The following PTPRG variants were observed in gnomAD, a reference collection of about 807,000 sequenced individuals.
PTPRG encodes protein tyrosine phosphatase receptor type G, also known as receptor-type tyrosine-protein phosphatase gamma.
In PTPRG, 102 loss-of-function variants were observed where a neutral mutation model predicts 165.3. That is an observed-to-expected ratio of 0.62 (90% CI 0.53 to 0.73). The LOEUF is 0.73. Ranked by LOEUF, PTPRG falls within the 30% of genes least tolerant of loss-of-function variation. The pLI is 0.00. For synonymous variants in PTPRG, 675 were observed against 669.5 expected (o/e 1.01, Z -0.13); for missense variants, 1,866 against 1,861.4 (o/e 1.00, Z -0.05).
intron 1 of PTPRG, among the ~76,000 whole-genome samples, chr3:61,672,016 A>G (rs1261814526): frequency 0.1 from 3,138 of 31,418 alleles, 1 homozygote; most frequent in East Asian, 0.12. Context: ...GGCGGTTGCC[A>G]GGCAGAGGGT....
intron 8 of PTPRG, among the ~76,000 whole-genome samples, chr3:62,188,825 A>G (rs1192915716): frequency 6.6e-6 from 1 of 152,150 alleles, no homozygotes; most frequent in East Asian, 1.9e-4. Flanking sequence ...GAGAAAAGAT[A>G]GAGAAGTTAG....
At position 61,609,159 on chromosome 3, in the gene PTPRG, A is replaced by AC. The variant is rs1266526198; in HGVS notation, c.85+46788dup. Among the ~76,000 whole-genome samples the AC allele has an allele frequency of 2.6e-5, 4 of 152,292 alleles. No homozygotes were observed. The East Asian group carries it at 7.7e-4, about 29-fold the overall frequency. On this transcript the variant is annotated intron_variant, in intron 1 of 29. Transcript: ENST00000474889. Reference sequence around the variant, plus strand: ...TCATCAAGGTATAGGAAGTTATTGGACTTCCCTTAGGCCGTGTCCCCTTAT... The same window carrying AC: ...TCATCAAGGTATAGGAAGTTATTGGACCTTCCCTTAGGCCGTGTCCCCTTAT...
intron 3 of PTPRG, among the ~76,000 whole-genome samples, chr3:61,995,614 A>G (rs907422798): frequency 6.6e-6 from 1 of 151,068 alleles, no homozygotes; most frequent in Non-Finnish European, 1.5e-5. Flanking sequence ...GGGGGTGTGT[A>G]GGTATTGTGT....
At position 61,956,580 on chromosome 3, in the gene PTPRG, A is replaced by G. The variant is rs79317549; in HGVS notation, c.191-33045A>G. ...AAAAACCAGCTCAAGAATTAATTCA[A>G]TTAGATATGCCAGTCACCATATCTG... On this transcript the variant is annotated intron_variant, in intron 2 of 29. Transcript: ENST00000474889. Among the ~76,000 whole-genome samples, 3 of 152,352 alleles carry G rather than the reference A, an allele frequency of 2.0e-5. No individual in the cohort carries two copies. In the East Asian group the frequency reaches 5.8e-4, roughly 29 times the overall value.
At chr3:62,111,972 T>A (rs184467211) in intron 5 of PTPRG, among the ~76,000 whole-genome samples, 104 of 152,312 alleles carry the variant, frequency 6.8e-4, no homozygotes, top group African/African-American at 2.4e-3. Flanking sequence ...CTTGAATGAT[T>A]AGATAAATGA....
At chr3:61,939,794 C>A (rs1318876632) in intron 2 of PTPRG, among the ~76,000 whole-genome samples, 1 of 152,094 alleles carries the variant, frequency 6.6e-6, no homozygotes, top group Non-Finnish European at 1.5e-5. Context: ...GCTGGAGCAC[C>A]ATGTGCAGCT....
At chr3:62,136,252 T>C (rs1703705448) in intron 6 of PTPRG, among the ~76,000 whole-genome samples, 2 of 152,172 alleles carry the variant, frequency 1.3e-5, no homozygotes, top group Admixed American at 1.3e-4. Context: ...TCACCATGTA[T>C]GCATATGCTT....
At chr3:61,783,720 C>A (rs2034610967) in intron 2 of PTPRG, among the ~76,000 whole-genome samples, 1 of 152,098 alleles carries the variant, frequency 6.6e-6, no homozygotes, top group African/African-American at 2.4e-5. Context: ...CCAGGACTAG[C>A]ATAGCTCATG....
chr3:62,083,567 C>A (rs1283315980), intron 5 of PTPRG, among the ~76,000 whole-genome samples: 1 of 152,094 alleles, frequency 6.6e-6, no homozygotes, highest in Non-Finnish European at 1.5e-5. Context: ...AATAATTAGG[C>A]AATTTGTGGA....
chr3:61,724,433 T>TA (rs879838345), intron 1 of PTPRG, among the ~76,000 whole-genome samples: 8 of 152,120 alleles, frequency 5.3e-5, no homozygotes, highest in Non-Finnish European at 1.2e-4. Flanking sequence ...TCCTAGCTGC[T>TA]ACAAAGTCAA....
chr3:62,071,225 T>A (rs1701200718), intron 4 of PTPRG, among the ~76,000 whole-genome samples: 1 of 152,142 alleles, frequency 6.6e-6, no homozygotes, highest in Admixed American at 6.6e-5. Context: ...CCGTCATGAT[T>A]TTTTTTCTTG....
intron 14 of PTPRG, among the ~76,000 whole-genome samples, chr3:62,235,822 T>G (rs1008870773): frequency 6.6e-6 from 1 of 152,182 alleles, no homozygotes; most frequent in Non-Finnish European, 1.5e-5. Flanking sequence ...CATCACTGCA[T>G]GATTTTGTTC....
chr3:62,290,802 G>A (rs1041904575), intron 28 of PTPRG, among the ~76,000 whole-genome samples: 9 of 151,948 alleles, frequency 5.9e-5, no homozygotes, highest in East Asian at 1.9e-4. Context: ...ACAATTAAAC[G>A]TAAAAAAGTA....
At chr3:61,577,467 TC>T (rs2106788305) in intron 1 of PTPRG, among the ~76,000 whole-genome samples, 1 of 152,308 alleles carries the variant, frequency 6.6e-6, no homozygotes, top group African/African-American at 2.4e-5. Flanking sequence ...GAGATGTGCT[TC>T]AAGTGTAAAA....
At chr3:62,064,733 T>C (rs932518569) in intron 4 of PTPRG, among the ~76,000 whole-genome samples, 2 of 139,880 alleles carry the variant, frequency 1.4e-5, no homozygotes, top group African/African-American at 5.4e-5. Context: ...TTTTTTTTTT[T>C]TTTTTTTTTT....
chr3:61,972,811 C>A (rs1575837916), intron 2 of PTPRG, among the ~76,000 whole-genome samples: 1 of 128,938 alleles, frequency 7.8e-6, no homozygotes, highest in African/African-American at 3.3e-5. Flanking sequence ...TGCCACCATG[C>A]CCAGCTAATT....
At chr3:61,708,119 C>A (rs1445229440) in intron 1 of PTPRG, among the ~76,000 whole-genome samples, 2 of 151,734 alleles carry the variant, frequency 1.3e-5, no homozygotes, top group Non-Finnish European at 2.9e-5. Context: ...GGATATTTGC[C>A]TCCCCGGAAC....
chr3:61,842,684 C>CAAA (rs199500194), intron 2 of PTPRG, among the ~76,000 whole-genome samples: 1,874 of 121,398 alleles, frequency 0.015, 17 homozygotes, highest in East Asian at 0.083. Flanking sequence ...GTATGTGTGG[C>CAAA]AAAAAAAAAA....
At chr3:61,903,668 C>T (rs995586556) in intron 2 of PTPRG, among the ~76,000 whole-genome samples, 3 of 152,166 alleles carry the variant, frequency 2.0e-5, no homozygotes, top group Admixed American at 6.5e-5. Flanking sequence ...GCCACCGTGC[C>T]CGGGCCTGGC....
Sources: gnomAD v4.1 joint callset for allele counts (sites outside exome capture counted in the v4.1 genomes callset) on GRCh38, gnomAD v4.1.1 for gene constraint, MANE v1.5 for transcripts, NCBI Gene and HGNC (gene_info 2026-07-23, HGNC 2026-07-21) for gene names.